GPI: variants seen among roughly 807,000 people sequenced by gnomAD.
The protein encoded by GPI is D-hexose-6-phosphate anomerase.
Under a neutral mutation model 75.8 loss-of-function variants are expected in GPI, and 56 were observed. The observed-to-expected ratio is 0.74, with a 90% CI of 0.60 to 0.92. The LOEUF (loss-of-function observed/expected upper bound fraction) is 0.92. Among genes scored for constraint, GPI ranks in the 40% least tolerant of loss-of-function variants. The pLI, the probability that GPI is intolerant of heterozygous loss-of-function variation, is 0.00. For missense variants in GPI, 638 were observed against 741.0 expected (o/e 0.86, Z 1.61); for synonymous variants, 288 against 285.4 (o/e 1.01, Z -0.09).
rs2074343405 is a variant in GPI at position 34,365,361 on chromosome 19, C to T, written c.95C>T (p.Ala32Val). The T allele has an allele frequency of 1.3e-6, 2 of 1,589,464 alleles. No homozygotes were observed. Among genetic ancestry groups the T allele is most frequent in the East Asian group, 4.7e-5 (2 of 42,444 alleles). ...CTGAACCTGCGCCGCCTCTTCGATG[C>T]CAACAAGGACCGCTTCAACCACTTC... is the stretch of plus-strand genomic sequence containing the variant. ...SELNLRRLFDANKDRFNHFSL... is the reference protein window; with the variant it reads ...SELNLRRLFDVNKDRFNHFSL... Residue 32 changes from alanine to valine, a missense_variant, in exon 1 of 18, where the codon GCC becomes GTC. Physicochemically the swap from Ala to Val is moderately conservative, Grantham distance 64 (BLOSUM62 0). Coordinates refer to ENST00000356487, the MANE Select transcript of GPI (RefSeq NM_000175.5).
chr19:34,375,627 C>T (rs2074523570), intron 4 of GPI, among the ~76,000 whole-genome samples: 2 of 152,212 alleles, frequency 1.3e-5, no homozygotes, highest in South Asian at 4.1e-4. Flanking sequence ...GTCCCATACA[C>T]AGGAAGCGAG....
At chr19:34,366,939 C>T (rs1004981396) in intron 3 of GPI, 88 bp downstream of exon 3, 2 of 1,001,988 alleles carry the variant, frequency 2.0e-6, no homozygotes, top group Admixed American at 3.5e-5. Flanking sequence ...GTGTCTTCAC[C>T]CCTTCTCTTG....
At chr19:34,363,128 T>C (rs1322218647), upstream of GPI, among the ~76,000 whole-genome samples, 1 of 152,000 alleles carries the variant, frequency 6.6e-6, no homozygotes, top group African/African-American at 2.4e-5. Context: ...GTACAAAAAA[T>C]AACAAAGCTT....
chr19:34,367,039 T>C, intron 3 of GPI, 188 bp downstream of exon 3: 1 of 700,348 alleles, frequency 1.4e-6, no homozygotes, highest in South Asian at 1.5e-5. Flanking sequence ...AAGATTGGTT[T>C]GGTGAGCTCC....
In GPI at chr19:34,368,617, G is replaced by T. The variant is rs143827313; in HGVS notation, c.317G>T (p.Arg106Leu). ...GTGCTGCACGTGGCTCTGCGGAACC[G>T]GTCAAACACACCCATCCTGGTAGAC... Reference protein sequence around the residue: ...RAVLHVALRNRSNTPILVDGK... With the variant: ...RAVLHVALRNLSNTPILVDGK... The change falls in exon 4 of 18, where the codon CGG (arginine) becomes CTG (leucine). Residue 106 changes from arginine (R) to leucine (L), a missense_variant. By Grantham distance (102) the Arg-to-Leu change is moderately radical (BLOSUM62 -2). Coordinates refer to ENST00000356487, the MANE Select transcript of GPI (RefSeq NM_000175.5). The T allele has an allele frequency of 1.2e-6, 2 of 1,614,072 alleles. No individual in the cohort carries two copies. The highest frequency in any genetic ancestry group is 1.1e-5 in the South Asian group (1 of 91,080).
intron 9 of GPI, among the ~76,000 whole-genome samples, chr19:34,388,794 T>A (rs1163833017): frequency 6.6e-6 from 1 of 152,068 alleles, no homozygotes; most frequent in Non-Finnish European, 1.5e-5. Flanking sequence ...GTGCTGAAGT[T>A]TAGTTTCTAG....
chr19:34,379,209 C>T (rs1287895098), intron 7 of GPI, among the ~76,000 whole-genome samples: 1 of 152,246 alleles, frequency 6.6e-6, no homozygotes, highest in African/African-American at 2.4e-5. Flanking sequence ...AACCTGCTCT[C>T]GCTGGCTGAC....
intron 9 of GPI, among the ~76,000 whole-genome samples, chr19:34,385,360 C>G (rs113263219): frequency 1.0e-3 from 95 of 95,138 alleles, no homozygotes; most frequent in Non-Finnish European, 1.9e-3. Context: ...AAACAAAAAA[C>G]AAAAAAAAAA....
At chr19:34,383,187 C>T (rs528393818) in intron 9 of GPI, among the ~76,000 whole-genome samples, 58 of 152,186 alleles carry the variant, frequency 3.8e-4, no homozygotes, top group African/African-American at 1.3e-3. Context: ...TCTCAGGGCT[C>T]GGCCAGGGTC....
At chr19:34,391,262 T>C (rs2074824180) in intron 9 of GPI, among the ~76,000 whole-genome samples, 1 of 152,120 alleles carries the variant, frequency 6.6e-6, no homozygotes. Flanking sequence ...GGTCCTGGTA[T>C]GAGGATCTGG....
intron 4 of GPI, among the ~76,000 whole-genome samples, chr19:34,376,699 A>T (rs2074541987): frequency 6.6e-6 from 1 of 151,990 alleles, no homozygotes. Flanking sequence ...GACTCAAGCA[A>T]TCCTCCTGTC....
chr19:34,391,309 G>A (rs1048211509), intron 9 of GPI, among the ~76,000 whole-genome samples: 1 of 14,780 alleles, frequency 6.8e-5, no homozygotes, highest in East Asian at 2.5e-3. Context: ...TCTGGCCCTG[G>A]TATGAGGATC....
chr19:34,396,946 G>A lies in GPI; in HGVS notation c.1269+289G>A, dbSNP rs377475022. Among the ~76,000 whole-genome samples the A allele has an allele frequency of 1.4e-4, 21 of 152,304 alleles. No homozygotes were observed. The South Asian group carries it at 4.4e-3, about 32-fold the overall frequency. On this transcript the variant is annotated intron_variant, in intron 14 of 17. Transcript: ENST00000356487. Reference sequence around the variant, plus strand: ...ATGCCTCAGCCTCCCAAGTAGCTGGGACTACTGGCACTCACCACCATGGCC... The same window carrying A: ...ATGCCTCAGCCTCCCAAGTAGCTGGAACTACTGGCACTCACCACCATGGCC...
intron 4 of GPI, among the ~76,000 whole-genome samples, chr19:34,376,851 C>T (rs1475328865): frequency 2.0e-5 from 3 of 151,918 alleles, no homozygotes; most frequent in African/African-American, 7.3e-5. Context: ...AATTCGAGAC[C>T]AGCCTGGCCA....
upstream of GPI, chr19:34,365,091 G>A (rs1292324280): frequency 7.3e-6 from 10 of 1,376,428 alleles, no homozygotes; most frequent in East Asian, 3.2e-4. Context: ...CCCGGCCTGG[G>A]TATCGGGGCG....
chr19:34,388,438 A>G (rs1001304930), intron 9 of GPI, among the ~76,000 whole-genome samples: 2 of 152,046 alleles, frequency 1.3e-5, no homozygotes, highest in African/African-American at 4.8e-5. Context: ...TCATGCCACT[A>G]CACTCAGGCC....
Position 34,399,623 on chromosome 19 carries a change from C to T in GPI, c.1466C>T (p.Ala489Val), listed in dbSNP as rs1250967152. The T allele has an allele frequency of 3.1e-6, 5 of 1,614,038 alleles. No homozygotes were observed. Among genetic ancestry groups the T allele is most frequent in the Non-Finnish European group, 4.2e-6 (5 of 1,179,958 alleles). The stretch of plus-strand genomic sequence containing the variant: ...AAGCTCACACCATTCATGCTTGGAG[C>T]CTTGGTCGGTGAGTGAGTAGGGGAA... ...FTKLTPFMLGALVAMYEHKIF... is the reference protein window; with the variant it reads ...FTKLTPFMLGVLVAMYEHKIF... Residue 489 changes from alanine (A) to valine (V), a missense_variant, in exon 16 of 18, where the codon GCC becomes GTC. Physicochemically the swap from Ala to Val is moderately conservative, Grantham distance 64. Coordinates refer to ENST00000356487, the MANE Select transcript of GPI (RefSeq NM_000175.5).
At position 34,390,048 on chromosome 19, in the gene GPI, C is replaced by T. The variant is rs2074798596; in HGVS notation, c.805-3200C>T. Reference sequence around the variant, plus strand: ...GAAGATCGGTCAAGCCCAGATATGACCCACTGGGCCTGTCAGTGTCCAGGA... The same window carrying T: ...GAAGATCGGTCAAGCCCAGATATGATCCACTGGGCCTGTCAGTGTCCAGGA... On this transcript the variant is annotated intron_variant, in intron 9 of 17. Transcript: ENST00000356487. 2.0e-5 allele frequency among the ~76,000 whole-genome samples: 3 copies of T among 152,300 alleles called. No homozygotes were observed. In the South Asian group the frequency reaches 6.2e-4, roughly 32 times the overall value.
At chr19:34,379,990 G>T (rs10414598) in intron 8 of GPI, 52,279 of 101,444 alleles carry the variant, frequency 0.52, 13,130 homozygotes, top group East Asian at 0.77. Context: ...GTGTGGTTTT[G>T]TTTTTTTTTT....
Sources: allele counts gnomAD v4.1 joint callset (sites outside exome capture counted in the v4.1 genomes callset), GRCh38; gene constraint gnomAD v4.1.1; transcripts MANE v1.5; gene names NCBI Gene and HGNC (gene_info 2026-07-23, HGNC 2026-07-21).